CSMD3: variants seen among roughly 807,000 people sequenced by gnomAD.
CSMD3 encodes the protein CUB and sushi domain-containing protein 3.
CSMD3 carries 177 observed loss-of-function variants against 435.2 expected under a neutral mutation model. The ratio of observed to expected loss-of-function variants is 0.41; its 90% confidence interval spans 0.36 to 0.46. The LOEUF (loss-of-function observed/expected upper bound fraction) is 0.46. CSMD3 is among the 20% of genes least tolerant of loss of function. The pLI is 0.34. For synonymous variants in CSMD3, 1,656 were observed against 1,520.5 expected (o/e 1.09, Z -2.07); for missense variants, 4,265 against 4,504.6 (o/e 0.95, Z 1.52).
At position 112,314,609 on chromosome 8, in the gene CSMD3, G is replaced by A. The variant is rs1822290716; in HGVS notation, c.7369C>T (p.Pro2457Ser). The change falls in exon 48 of 71, where the codon CCT becomes TCT. Residue 2457 changes from proline (P) to serine (S), a missense_variant. This residue lies in a region of CSMD3 where 3,255 missense variants were observed against 3,380.2 expected (regional missense o/e 0.96). Coordinates refer to ENST00000297405, the MANE Select transcript of CSMD3 (RefSeq NM_198123.2). ...GAATCTAGCCGTAATTCATTGGCAG[G>A]ACAGAGCACTGTCAAAGAAAAATGT... is the stretch of plus-strand genomic sequence containing the variant. ...GAPPVCQVLC[P>S]ANELRLDSTG... 9 of 1,610,598 alleles carry A rather than the reference G, an allele frequency of 5.6e-6. No individual in the cohort carries two copies. In the East Asian group the frequency reaches 6.7e-5, roughly 12 times the overall value.
At chr8:112,526,327 C>G (rs1418751517) in intron 27 of CSMD3, among the ~76,000 whole-genome samples, 1 of 151,950 alleles carries the variant, frequency 6.6e-6, no homozygotes, top group Non-Finnish European at 1.5e-5. Flanking sequence ...TGACAATGAT[C>G]TGGAAAAAGA....
chr8:113,379,056 C>T (rs911317928), intron 1 of CSMD3, among the ~76,000 whole-genome samples: 5 of 151,966 alleles, frequency 3.3e-5, no homozygotes. Context: ...AAGTGAGATA[C>T]TAATAACACT....
intron 27 of CSMD3, among the ~76,000 whole-genome samples, chr8:112,532,887 C>G (rs548551583): frequency 5.3e-5 from 8 of 152,124 alleles, no homozygotes; most frequent in African/African-American, 1.9e-4. Context: ...ACAACTATAA[C>G]AGTTTCTTAG....
intron 38 of CSMD3, among the ~76,000 whole-genome samples, chr8:112,369,973 G>T (rs1259744711): frequency 6.6e-6 from 1 of 150,506 alleles, no homozygotes; most frequent in South Asian, 2.1e-4. Context: ...GGAAGAAGAA[G>T]AAGAAGAGAA....
intron 3 of CSMD3, among the ~76,000 whole-genome samples, chr8:113,274,567 G>A (rs1423542575): frequency 6.6e-6 from 1 of 152,030 alleles, no homozygotes; most frequent in Middle Eastern, 3.4e-3. Context: ...GATACCTATT[G>A]GTCTTTCATC....
At chr8:112,995,378 T>C (rs771534567) in intron 6 of CSMD3, among the ~76,000 whole-genome samples, 1 of 151,458 alleles carries the variant, frequency 6.6e-6, no homozygotes, top group Non-Finnish European at 1.5e-5. Flanking sequence ...ATATATGGAG[T>C]TGCTTCAAAG....
intron 10 of CSMD3, among the ~76,000 whole-genome samples, chr8:112,863,749 CA>C (rs2080890155): frequency 6.6e-6 from 1 of 151,492 alleles, no homozygotes; most frequent in African/African-American, 2.4e-5. Context: ...TTTAGTAACA[CA>C]AAGGAAATAA....
Position 112,345,399 on chromosome 8 carries a change from A to C in CSMD3, c.6442+698T>G, listed in dbSNP as rs10283014. Among the ~76,000 whole-genome samples, 598 of 152,298 alleles carry C rather than the reference A, an allele frequency of 3.9e-3. 1 individual carries two copies. Among genetic ancestry groups the C allele is most frequent in the African/African-American group, 0.014 (575 of 41,564 alleles). ...TAGTATACATACACAATGAAACACT[A>C]TTCAGCCATAAAAAAAACAAGGGAA... On this transcript the variant is annotated intron_variant, in intron 41 of 70. Transcript: ENST00000297405.
At chr8:112,936,141 T>A (rs2083275174) in intron 9 of CSMD3, among the ~76,000 whole-genome samples, 1 of 152,038 alleles carries the variant, frequency 6.6e-6, no homozygotes, top group African/African-American at 2.4e-5. Flanking sequence ...CCACATTTAG[T>A]TTAACAGTGA....
chr8:113,395,278 ATGCTAG>A (rs2094478014), intron 1 of CSMD3, among the ~76,000 whole-genome samples: 1 of 152,126 alleles, frequency 6.6e-6, no homozygotes, highest in African/African-American at 2.4e-5. Flanking sequence ...TAGGCTATCA[ATGCTAG>A]TTTGACTGCC....
intron 17 of CSMD3, among the ~76,000 whole-genome samples, chr8:112,664,441 C>G (rs901995141): frequency 2.0e-5 from 3 of 152,044 alleles, no homozygotes; most frequent in African/African-American, 7.2e-5. Flanking sequence ...GTTTTTCAAG[C>G]TTTCTAAAAT....
At chr8:112,994,135 G>T (rs2085556555) in intron 6 of CSMD3, among the ~76,000 whole-genome samples, 2 of 151,718 alleles carry the variant, frequency 1.3e-5, no homozygotes, top group African/African-American at 4.8e-5. Context: ...TGACTCAATA[G>T]ACCAATCAAT....
chr8:112,663,620 A>C (rs2075443883), intron 17 of CSMD3, among the ~76,000 whole-genome samples: 1 of 151,764 alleles, frequency 6.6e-6, no homozygotes, highest in Non-Finnish European at 1.5e-5. Flanking sequence ...CATGTACCCT[A>C]AAACTTAAAG....
intron 42 of CSMD3, among the ~76,000 whole-genome samples, chr8:112,340,663 A>T (rs1034107365): frequency 6.6e-6 from 1 of 152,176 alleles, no homozygotes; most frequent in Non-Finnish European, 1.5e-5. Flanking sequence ...GTAAAATATC[A>T]TTTTAATATT....
chr8:113,257,798 A>C (rs1310103757), intron 3 of CSMD3, among the ~76,000 whole-genome samples: 1 of 152,236 alleles, frequency 6.6e-6, no homozygotes. Flanking sequence ...GTAGAAACAT[A>C]AATTGCTCAC....
chr8:112,723,190 A>C (rs2076897514), intron 13 of CSMD3, among the ~76,000 whole-genome samples: 1 of 152,184 alleles, frequency 6.6e-6, no homozygotes, highest in Non-Finnish European at 1.5e-5. Context: ...ACAGACAGAA[A>C]GAAAAGCCAA....
chr8:113,241,002 G>T (rs1053618120), intron 3 of CSMD3, among the ~76,000 whole-genome samples: 1 of 152,090 alleles, frequency 6.6e-6, no homozygotes, highest in Admixed American at 6.6e-5. Context: ...GAACAAGTTG[G>T]ATAATAAATA....
chr8:113,214,981 C>G (rs769797582), intron 3 of CSMD3, among the ~76,000 whole-genome samples: 1 of 151,674 alleles, frequency 6.6e-6, no homozygotes, highest in Non-Finnish European at 1.5e-5. Context: ...TTCTATGAAT[C>G]AGATATTTTA....
chr8:112,603,565 G>A (rs1221932577), intron 22 of CSMD3, among the ~76,000 whole-genome samples: 1 of 152,132 alleles, frequency 6.6e-6, no homozygotes, highest in East Asian at 1.9e-4. Context: ...ATTGTGCCAT[G>A]TATGGTCTGT....
Sources: gnomAD v4.1 joint callset for allele counts (sites outside exome capture counted in the v4.1 genomes callset) on GRCh38, gnomAD v4.1.1 for gene constraint, gnomAD v4.1.1 regional missense constraint, MANE v1.5 for transcripts, NCBI Gene and HGNC (gene_info 2026-07-23, HGNC 2026-07-21) for gene names.